Variants in BRCA1 observed in about 807,000 individuals in gnomAD.
BRCA1 encodes the protein breast cancer type 1 susceptibility protein.
BRCA1 carries 140 observed loss-of-function variants against 173.7 expected under a neutral mutation model. The ratio of observed to expected loss-of-function variants is 0.81; its 90% CI spans 0.70 to 0.93. The LOEUF is 0.93. Ranked by LOEUF, BRCA1 falls within the 40% of genes least tolerant of loss-of-function variation. The probability of loss-of-function intolerance (pLI) is 0.00; values close to 1 mark genes in which losing one functional copy is unlikely to be tolerated. For missense variants in BRCA1, 1,983 were observed against 2,172.5 expected (o/e 0.91, Z 1.73); for synonymous variants, 662 against 756.0 (o/e 0.88, Z 2.04).
chr17:43,086,109 TACACACACACAC>T (rs376686434), intron 11 of BRCA1, among the ~76,000 whole-genome samples: 54 of 137,460 alleles, frequency 3.9e-4, no homozygotes, highest in East Asian at 3.4e-3. Flanking sequence ...ATCACATACA[TACACACACACAC>T]ACACACACAC....
rs925866289 is a variant in BRCA1, at chr17:43,094,994, A to G, written c.671-134T>C. On this transcript the variant is annotated intron_variant, in intron 9 of 22. Coordinates refer to ENST00000357654, the MANE Select transcript of BRCA1 (RefSeq NM_007294.4). Reference sequence around the variant, plus strand: ...AAACTAACCTCATAAACTACCAAGTATACTGAAGATGTAGCTCATACTCTT... The same window carrying G: ...AAACTAACCTCATAAACTACCAAGTGTACTGAAGATGTAGCTCATACTCTT... The G allele has an allele frequency of 9.6e-6, 7 of 727,134 alleles. No homozygotes were observed. In the African/African-American group the frequency reaches 1.2e-4, roughly 13 times the overall value. The allele number at this position is 727,134 out of a possible 1,614,324, so 45.0% of individuals were successfully genotyped here. A position where few individuals can be genotyped will look rare whatever the true frequency, so the allele number is the denominator to read the frequency against.
chr17:43,162,907 G>A (rs2154581737), intron 1 of BRCA1: 1 of 152,230 alleles, frequency 6.6e-6, no homozygotes, highest in East Asian at 1.9e-4. Context: ...GGGCCTGCTA[G>A]AATAAACTGA....
chr17:43,055,663 G>A (rs1345095154), intron 19 of BRCA1, among the ~76,000 whole-genome samples: 2 of 152,104 alleles, frequency 1.3e-5, no homozygotes, highest in Admixed American at 6.5e-5. Context: ...GCACGTGCCT[G>A]TAATCCCAGC....
At chr17:43,159,541 C>A in intron 1 of BRCA1, 1 of 194,130 alleles carries the variant, frequency 5.2e-6, no homozygotes, top group South Asian at 7.0e-5. Context: ...TAGAGGGTCT[C>A]CTCACTTCTC....
At chr17:43,150,135 G>A (rs770775260) in intron 1 of BRCA1, among the ~76,000 whole-genome samples, 2 of 151,858 alleles carry the variant, frequency 1.3e-5, no homozygotes, top group African/African-American at 4.8e-5. Context: ...TTTGAGACCG[G>A]GTCTTGCCCT....
intron 6 of BRCA1, 58 bp downstream of exon 6, chr17:43,104,057 CAAAAAAA>C: frequency 7.7e-7 from 1 of 1,299,368 alleles, no homozygotes. Context: ...GACTCCATCT[CAAAAAAA>C]AAAAAGAAAA....
upstream of BRCA1, among the ~76,000 whole-genome samples, chr17:43,127,599 T>C (rs1372823705): frequency 6.6e-6 from 1 of 152,162 alleles, no homozygotes; most frequent in East Asian, 1.9e-4. Context: ...AATGCACCAA[T>C]CAGCACTCTG....
At chr17:43,064,011 C>T (rs2153612407) in intron 16 of BRCA1, 60 bp from the exon 17 acceptor site, 1 of 1,481,476 alleles carries the variant, frequency 6.8e-7, no homozygotes, top group Non-Finnish European at 9.4e-7. Context: ...GAAGTGCTGT[C>T]CTAAGAAGCT....
chr17:43,074,229 T>G, intron 14 of BRCA1, 102 bp downstream of exon 14: 3 of 1,207,756 alleles, frequency 2.5e-6, no homozygotes, highest in Non-Finnish European at 3.6e-6. Flanking sequence ...AAAGTGTCCA[T>G]GATAGACTAG....
chr17:43,148,099 G>T (rs1253353744), intron 1 of BRCA1, among the ~76,000 whole-genome samples: 5 of 152,072 alleles, frequency 3.3e-5, no homozygotes. Context: ...TGAGGGCAGA[G>T]TTCTAAGCTC....
rs1418138452 is a variant in BRCA1, at chr17:43,158,898, A to G, written c.-20+11228T>C. ...TGTGTCTTGAGGGTGTTGTAACTTTAAATAGCGGTGTCTGGAAATGAAAAG... is the reference window on the plus strand; with the variant it reads ...TGTGTCTTGAGGGTGTTGTAACTTTGAATAGCGGTGTCTGGAAATGAAAAG... On this transcript the variant is annotated intron_variant, in intron 1 of 7. Transcript: ENST00000634433. 3.9e-5 allele frequency among the ~76,000 whole-genome samples: 6 copies of G among 152,330 alleles called. No individual in the cohort carries two copies. In the East Asian group the frequency reaches 1.2e-3, roughly 29 times the overall value.
chr17:43,154,658 A>G (rs1361106512), intron 1 of BRCA1, among the ~76,000 whole-genome samples: 2 of 147,380 alleles, frequency 1.4e-5, no homozygotes, highest in Non-Finnish European at 3.0e-5. Flanking sequence ...TTCATTTATT[A>G]TACTAATATA....
intron 12 of BRCA1, among the ~76,000 whole-genome samples, chr17:43,077,112 T>C (rs181732386): frequency 6.6e-6 from 1 of 151,820 alleles, no homozygotes; most frequent in East Asian, 1.9e-4. Context: ...AAGACATGAG[T>C]GTCAGACATG....
intron 18 of BRCA1, among the ~76,000 whole-genome samples, chr17:43,060,370 T>C (rs1050309251): frequency 6.6e-6 from 1 of 151,834 alleles, no homozygotes; most frequent in South Asian, 2.1e-4. Context: ...CATTTTTTAG[T>C]AGAGATGGGG....
intron 1 of BRCA1, chr17:43,139,954 T>A: frequency 2.0e-6 from 1 of 496,038 alleles, no homozygotes. Context: ...CCTAAATCCC[T>A]TGGAATTTTC....
intron 2 of BRCA1, among the ~76,000 whole-genome samples, chr17:43,118,224 T>C (rs1470805825): frequency 2.0e-5 from 3 of 152,130 alleles, no homozygotes; most frequent in African/African-American, 7.2e-5. Context: ...AGCAGGACCA[T>C]GCCTGTGTAT....
upstream of BRCA1, among the ~76,000 whole-genome samples, chr17:43,126,743 T>C (rs1228224605): frequency 2.0e-5 from 3 of 152,154 alleles, no homozygotes; most frequent in Non-Finnish European, 4.4e-5. Flanking sequence ...CTGGCCGTGC[T>C]GGAGGAGCCC....
intron 1 of BRCA1, among the ~76,000 whole-genome samples, chr17:43,140,676 C>T (rs545743220): frequency 5.9e-5 from 9 of 152,304 alleles, no homozygotes; most frequent in Admixed American, 2.6e-4. Flanking sequence ...GCTCCACTGC[C>T]AGCATGCTGT....
intron 12 of BRCA1, among the ~76,000 whole-genome samples, chr17:43,078,196 G>A (rs1416404668): frequency 6.6e-6 from 1 of 151,898 alleles, no homozygotes; most frequent in African/African-American, 2.4e-5. Flanking sequence ...CGATTCTCCT[G>A]CCTTAGCCTC....
Sources: gnomAD v4.1 joint callset for allele counts (sites outside exome capture counted in the v4.1 genomes callset) on GRCh38, gnomAD v4.1.1 for gene constraint, MANE v1.5 for transcripts, NCBI Gene and HGNC (gene_info 2026-07-23, HGNC 2026-07-21) for gene names.